Variants in HPSE2 observed in about 807,000 individuals in gnomAD.
HPSE2 encodes the protein heparanase 2 (inactive).
In HPSE2, 38 loss-of-function variants were observed where a neutral mutation model predicts 60.5. The ratio of observed to expected loss-of-function variants is 0.63; its 90% CI spans 0.48 to 0.82. The LOEUF (loss-of-function observed/expected upper bound fraction) is 0.82. HPSE2 is among the 40% of genes least tolerant of loss of function. HPSE2 has a pLI of 0.00. For missense variants in HPSE2, 713 were observed against 740.4 expected, an observed-to-expected ratio of 0.96 and a Z score of 0.43; for synonymous variants, 295 against 293.2, an observed-to-expected ratio of 1.01 and a Z score of -0.06.
intron 3 of HPSE2, among the ~76,000 whole-genome samples, chr10:98,867,822 G>A (rs1359098585): frequency 6.6e-6 from 1 of 152,180 alleles, no homozygotes; most frequent in Non-Finnish European, 1.5e-5. Flanking sequence ...CACTTTGGGA[G>A]GCCAAGGCAG....
intron 3 of HPSE2, among the ~76,000 whole-genome samples, chr10:98,867,294 G>GA (rs200460520): frequency 0.011 from 1,593 of 140,056 alleles, 17 homozygotes; most frequent in Middle Eastern, 0.029. Flanking sequence ...AACTCTATAG[G>GA]AAAAAAAAAA....
chr10:98,587,541 G>A (rs534161725), intron 9 of HPSE2, among the ~76,000 whole-genome samples: 3 of 152,248 alleles, frequency 2.0e-5, no homozygotes, highest in Admixed American at 2.0e-4. Flanking sequence ...GCATGCCCTT[G>A]TCCTCCCACA....
chr10:98,830,338 G>A (rs1951656007), intron 3 of HPSE2, among the ~76,000 whole-genome samples: 1 of 152,102 alleles, frequency 6.6e-6, no homozygotes, highest in Non-Finnish European at 1.5e-5. Context: ...GGAAGAAGAG[G>A]AAAAGATGAA....
intron 3 of HPSE2, among the ~76,000 whole-genome samples, chr10:99,053,514 T>C (rs1958037269): frequency 6.6e-6 from 1 of 151,864 alleles, no homozygotes. Context: ...ACACCTAGAA[T>C]CCCACTTCCA....
chr10:98,615,809 GAAACTTCTACTTGTAATAATAC>G (rs1945890620), intron 8 of HPSE2, among the ~76,000 whole-genome samples: 1 of 152,088 alleles, frequency 6.6e-6, no homozygotes, highest in Non-Finnish European at 1.5e-5. Context: ...GAAACTTAGG[GAAACTTCTACTTGTAATAATAC>G]ATAGAATAAA....
chr10:98,562,213 T>C (rs1238471853), intron 9 of HPSE2, among the ~76,000 whole-genome samples: 4 of 152,204 alleles, frequency 2.6e-5, no homozygotes, highest in Non-Finnish European at 1.5e-5. Flanking sequence ...ATAGGTTATA[T>C]TACATAGCCT....
chr10:99,101,730 G>C (rs2135643275), intron 3 of HPSE2, among the ~76,000 whole-genome samples: 1 of 152,276 alleles, frequency 6.6e-6, no homozygotes, highest in African/African-American at 2.4e-5. Flanking sequence ...CCACATAGTT[G>C]GAAGTAAAGC....
chr10:98,980,399 A>C (rs1325942003), intron 3 of HPSE2, among the ~76,000 whole-genome samples: 1 of 152,216 alleles, frequency 6.6e-6, no homozygotes, highest in Non-Finnish European at 1.5e-5. Flanking sequence ...GCAAGGAAAA[A>C]AAATCAATTC....
intron 3 of HPSE2, among the ~76,000 whole-genome samples, chr10:99,011,082 G>T (rs1957002179): frequency 6.6e-6 from 1 of 151,486 alleles, no homozygotes; most frequent in African/African-American, 2.4e-5. Context: ...TCATCATTTA[G>T]TTCCCATTTG....
chr10:99,225,067 CA>C (rs1324101987), intron 2 of HPSE2, among the ~76,000 whole-genome samples: 34 of 151,946 alleles, frequency 2.2e-4, no homozygotes, highest in Admixed American at 2.2e-3. Flanking sequence ...TACAAAATTT[CA>C]AAGGTATTAC....
chr10:99,053,383 C>T (rs947005895), intron 3 of HPSE2, among the ~76,000 whole-genome samples: 1 of 151,854 alleles, frequency 6.6e-6, no homozygotes, highest in African/African-American at 2.4e-5. Context: ...AAAGTTATAG[C>T]TAAAAAGACA....
At chr10:99,131,515 A>G (rs1305848579) in intron 3 of HPSE2, among the ~76,000 whole-genome samples, 1 of 152,122 alleles carries the variant, frequency 6.6e-6, no homozygotes. Context: ...GTATATACAC[A>G]TATACAGAAA....
At position 98,615,007 on chromosome 10, in the gene HPSE2, G is replaced by C. The variant is rs985889216; in HGVS notation, c.1217C>G (p.Thr406Ser). ...SYAAGFLWLN[T>S]LGMLANQGID... ...GCCCTGATTGGCCAGCATTCCTAAA[G>C]TGTTCAACCATCTAAAAGGCAGAGA... The change falls in exon 9 of 12, where the codon ACT (threonine) becomes AGT (serine). Residue 406 changes from threonine to serine, a missense_variant. Thr to Ser is a moderately conservative substitution (Grantham distance 58, BLOSUM62 1). Transcript: ENST00000370552. The C allele has an allele frequency of 1.2e-6, 2 of 1,612,776 alleles. No homozygotes were observed. The highest frequency in any genetic ancestry group is 3.3e-5 in the Admixed American group (2 of 60,018).
In HPSE2 at chr10:98,926,976, A is replaced by G. The variant is rs191234767; in HGVS notation, c.611-182920T>C. 3.3e-3 allele frequency among the ~76,000 whole-genome samples: 501 copies of G among 152,218 alleles called. 4 individuals carry two copies. The highest frequency in any genetic ancestry group is 3.8e-3 in the Non-Finnish European group (257 of 68,014). The stretch of plus-strand genomic sequence containing the variant: ...TCGATTGCACTGGGGTCTGAGAGAC[A>G]GTTTGTTATAATTTCTGTTCTTTTA... On this transcript the variant is annotated intron_variant, in intron 3 of 11. Coordinates refer to ENST00000370552, the MANE Select transcript of HPSE2 (RefSeq NM_021828.5).
chr10:98,589,576 A>T (rs907427170), intron 9 of HPSE2, among the ~76,000 whole-genome samples: 2 of 152,154 alleles, frequency 1.3e-5, no homozygotes, highest in East Asian at 3.8e-4. Context: ...CAATAAAAGA[A>T]ATCAGCCCTC....
intron 2 of HPSE2, among the ~76,000 whole-genome samples, chr10:99,176,492 C>A (rs183248135): frequency 2.6e-5 from 4 of 151,880 alleles, no homozygotes; most frequent in African/African-American, 9.6e-5. Flanking sequence ...CTATCAACAG[C>A]CAAATCAATC....
At chr10:98,988,023 T>A (rs1211972235) in intron 3 of HPSE2, among the ~76,000 whole-genome samples, 2 of 152,226 alleles carry the variant, frequency 1.3e-5, no homozygotes, top group Non-Finnish European at 2.9e-5. Flanking sequence ...GAACATTCCA[T>A]GCTCATGGAT....
chr10:98,623,413 T>C (rs937601509), intron 7 of HPSE2, among the ~76,000 whole-genome samples: 1 of 152,152 alleles, frequency 6.6e-6, no homozygotes, highest in Non-Finnish European at 1.5e-5. Flanking sequence ...TAAAATTAGA[T>C]TGTGGAGATG....
chr10:98,652,777 CT>C (rs1233025293), intron 6 of HPSE2, among the ~76,000 whole-genome samples: 1 of 152,198 alleles, frequency 6.6e-6, no homozygotes, highest in African/African-American at 2.4e-5. Context: ...GACATGGACT[CT>C]TTCTCTCTTA....
Sources: gnomAD v4.1 joint callset for allele counts (sites outside exome capture counted in the v4.1 genomes callset) on GRCh38, gnomAD v4.1.1 for gene constraint, MANE v1.5 for transcripts, NCBI Gene and HGNC (gene_info 2026-07-23, HGNC 2026-07-21) for gene names.